GABRG3: variants seen among roughly 807,000 people sequenced by gnomAD.
GABRG3 encodes the protein gamma-aminobutyric acid receptor subunit gamma-3.
GABRG3 carries 25 observed loss-of-function variants against 48.8 expected under a neutral mutation model. The ratio of observed to expected loss-of-function variants is 0.51; its 90% CI spans 0.37 to 0.72. The LOEUF (loss-of-function observed/expected upper bound fraction) is 0.72. GABRG3 is among the 30% of genes least tolerant of loss of function. GABRG3 has a pLI of 0.00. For synonymous variants in GABRG3, 227 were observed against 217.6 expected (o/e 1.04, Z -0.38); for missense variants, 394 against 577.9 (o/e 0.68, Z 3.26).
chr15:27,276,048 A>C (rs1891242102), intron 3 of GABRG3, among the ~76,000 whole-genome samples: 1 of 152,192 alleles, frequency 6.6e-6, no homozygotes, highest in South Asian at 2.1e-4. Flanking sequence ...AACAAATAAG[A>C]ACCCGCAAAT....
At chr15:27,484,477 T>C (rs1367935123) in intron 6 of GABRG3, among the ~76,000 whole-genome samples, 4 of 152,158 alleles carry the variant, frequency 2.6e-5, no homozygotes, top group Non-Finnish European at 5.9e-5. Flanking sequence ...TAAATATATA[T>C]GGATATGCAT....
chr15:26,996,638 T>A (rs1895345288), intron 2 of GABRG3, among the ~76,000 whole-genome samples: 1 of 150,870 alleles, frequency 6.6e-6, no homozygotes, highest in African/African-American at 2.4e-5. Flanking sequence ...ATTTATTTAT[T>A]TATTTATTTA....
intron 3 of GABRG3, among the ~76,000 whole-genome samples, chr15:27,071,472 C>A (rs996531499): frequency 1.3e-5 from 2 of 152,186 alleles, no homozygotes; most frequent in Non-Finnish European, 2.9e-5. Flanking sequence ...CCTGAGTGCT[C>A]CCATTAGGGA....
chr15:27,155,405 T>C (rs1166854014), intron 3 of GABRG3, among the ~76,000 whole-genome samples: 1 of 152,258 alleles, frequency 6.6e-6, no homozygotes, highest in Admixed American at 6.5e-5. Context: ...CATCTTTGCC[T>C]TCTTGGTATA....
At chr15:27,428,671 T>C (rs1430224001) in intron 5 of GABRG3, among the ~76,000 whole-genome samples, 1 of 152,230 alleles carries the variant, frequency 6.6e-6, no homozygotes, top group South Asian at 2.1e-4. Flanking sequence ...TTTTCTAATT[T>C]GTCCACCAGA....
At chr15:27,382,818 G>A (rs933738364) in intron 5 of GABRG3, among the ~76,000 whole-genome samples, 1 of 152,032 alleles carries the variant, frequency 6.6e-6, no homozygotes, top group Non-Finnish European at 1.5e-5. Flanking sequence ...ACAGAGATGA[G>A]GACCACCGTG....
chr15:27,382,920 T>G (rs1404422469), intron 5 of GABRG3, among the ~76,000 whole-genome samples: 1 of 152,034 alleles, frequency 6.6e-6, no homozygotes, highest in African/African-American at 2.4e-5. Context: ...ATCGGGAAAA[T>G]GTTGAGTGTG....
intron 3 of GABRG3, among the ~76,000 whole-genome samples, chr15:27,248,936 C>T (rs1290706287): frequency 2.0e-5 from 3 of 152,054 alleles, no homozygotes; most frequent in South Asian, 2.1e-4. Context: ...GCGAAGCCAT[C>T]GGCGACTGGC....
intron 3 of GABRG3, among the ~76,000 whole-genome samples, chr15:27,273,138 A>G (rs1231452349): frequency 6.6e-6 from 1 of 152,194 alleles, no homozygotes; most frequent in Non-Finnish European, 1.5e-5. Context: ...ATGATAGAGA[A>G]ATGTGTCCTC....
At position 27,039,679 on chromosome 15, in the gene GABRG3, G is replaced by C. The variant is rs1161324175; in HGVS notation, c.270+12858G>C. ...CCACTGTTTCCTGACAGTGCATGCA[G>C]TTGTCAGGAAAGCACAGAACTTTCT... On this transcript the variant is annotated intron_variant, in intron 3 of 9. Transcript: ENST00000615808. 7.9e-5 allele frequency among the ~76,000 whole-genome samples: 12 copies of C among 152,308 alleles called. No homozygotes were observed. The South Asian group carries it at 1.5e-3, about 18-fold the overall frequency.
chr15:27,217,843 G>A (rs137882241), intron 3 of GABRG3, among the ~76,000 whole-genome samples: 4 of 152,170 alleles, frequency 2.6e-5, no homozygotes, highest in African/African-American at 7.2e-5. Context: ...AGGCCAAGTC[G>A]CCACAGGTGC....
chr15:27,526,760 A>G (rs1299520911), intron 7 of GABRG3, among the ~76,000 whole-genome samples: 1 of 152,196 alleles, frequency 6.6e-6, no homozygotes, highest in Non-Finnish European at 1.5e-5. Flanking sequence ...CAATTAATTG[A>G]TTCATTCGAT....
chr15:27,239,496 C>G (rs994895489), intron 3 of GABRG3, among the ~76,000 whole-genome samples: 9 of 152,190 alleles, frequency 5.9e-5, no homozygotes, highest in Non-Finnish European at 8.8e-5. Context: ...TTTGCATTTT[C>G]TAGCCTTGTA....
intron 2 of GABRG3, among the ~76,000 whole-genome samples, chr15:27,020,058 C>T (rs1275164132): frequency 1.3e-5 from 2 of 152,134 alleles, no homozygotes; most frequent in African/African-American, 2.4e-5. Context: ...GTTAACAGCC[C>T]GGCCCTCCAC....
Position 27,227,973 on chromosome 15 carries a change from A to G in GABRG3, c.271-98836A>G, listed in dbSNP as rs533910642. ...ATGTTTTAAAATTTTTAAATGCTCA[A>G]AAGGGTTAAATGAAGGATAATGCTT... is the stretch of plus-strand genomic sequence containing the variant. On this transcript the variant is annotated intron_variant, in intron 3 of 9. Transcript: ENST00000615808. Among the ~76,000 whole-genome samples, 4 of 152,320 alleles carry G rather than the reference A, an allele frequency of 2.6e-5. No homozygotes were observed. In the East Asian group the frequency reaches 7.7e-4, roughly 29 times the overall value.
At chr15:27,511,557 G>A (rs950125043) in intron 6 of GABRG3, among the ~76,000 whole-genome samples, 1 of 152,200 alleles carries the variant, frequency 6.6e-6, no homozygotes, top group Non-Finnish European at 1.5e-5. Flanking sequence ...ACTGCTCAAC[G>A]CAAAATCCCA....
intron 5 of GABRG3, among the ~76,000 whole-genome samples, chr15:27,406,906 A>G (rs950445272): frequency 6.6e-6 from 1 of 152,138 alleles, no homozygotes; most frequent in African/African-American, 2.4e-5. Flanking sequence ...ACTATTCTAA[A>G]GCAAATTTTT....
At chr15:27,248,934 A>T (rs1330490263) in intron 3 of GABRG3, among the ~76,000 whole-genome samples, 2 of 152,104 alleles carry the variant, frequency 1.3e-5, no homozygotes, top group African/African-American at 4.8e-5. Context: ...ACGCGAAGCC[A>T]TCGGCGACTG....
At chr15:27,017,061 T>G (rs1895791884) in intron 2 of GABRG3, among the ~76,000 whole-genome samples, 1 of 152,212 alleles carries the variant, frequency 6.6e-6, no homozygotes, top group South Asian at 2.1e-4. Flanking sequence ...ACGACAGTTA[T>G]TTTGAATTAT....
Sources: gnomAD v4.1 joint callset for allele counts (sites outside exome capture counted in the v4.1 genomes callset) on GRCh38, gnomAD v4.1.1 for gene constraint, MANE v1.5 for transcripts, NCBI Gene and HGNC (gene_info 2026-07-23, HGNC 2026-07-21) for gene names.